DCLK2: variants seen among roughly 807,000 people sequenced by gnomAD.
DCLK2 encodes serine/threonine-protein kinase DCLK2.
A neutral mutation model predicts 78.4 loss-of-function variants in DCLK2; 31 were observed. The ratio of observed to expected loss-of-function variants is 0.40; its 90% CI spans 0.30 to 0.53. DCLK2 has a LOEUF of 0.53. Among genes scored for constraint, DCLK2 ranks in the 20% least tolerant of loss-of-function variants. The pLI is 0.61. For missense variants in DCLK2, 872 were observed against 973.7 expected (o/e 0.90, Z 1.39); for synonymous variants, 407 against 374.9 (o/e 1.09, Z -0.99).
At chr4:150,103,177 A>T (rs1731006376) in intron 2 of DCLK2, among the ~76,000 whole-genome samples, 1 of 152,160 alleles carries the variant, frequency 6.6e-6, no homozygotes, top group Admixed American at 6.5e-5. Context: ...GTCATTATGG[A>T]CTTGGGTATC....
At chr4:150,137,260 C>T (rs1157711017) in intron 2 of DCLK2, among the ~76,000 whole-genome samples, 1 of 152,142 alleles carries the variant, frequency 6.6e-6, no homozygotes, top group Non-Finnish European at 1.5e-5. Flanking sequence ...CAGCTTCCCT[C>T]CACATGTCTC....
At chr4:150,097,485 C>A (rs778173098) in intron 1 of DCLK2, among the ~76,000 whole-genome samples, 3 of 152,224 alleles carry the variant, frequency 2.0e-5, no homozygotes, top group Non-Finnish European at 4.4e-5. Context: ...CTTTTAATGA[C>A]CTCTTTCTTC....
chr4:150,140,377 G>A (rs1014123764), intron 2 of DCLK2, among the ~76,000 whole-genome samples: 3 of 152,180 alleles, frequency 2.0e-5, no homozygotes, highest in African/African-American at 7.2e-5. Flanking sequence ...CAAGCATGGA[G>A]GCTCCTCCTG....
chr4:150,232,032 A>G (rs757771899), intron 8 of DCLK2, among the ~76,000 whole-genome samples: 6 of 152,224 alleles, frequency 3.9e-5, no homozygotes, highest in Admixed American at 6.5e-5. Flanking sequence ...TAGCATCACA[A>G]CCTCTTAAGG....
intron 10 of DCLK2, 46 bp from the exon 11 acceptor site, chr4:150,239,696 T>C (rs564975397): frequency 1.4e-5 from 22 of 1,606,864 alleles, no homozygotes; most frequent in African/African-American, 2.7e-5. Context: ...CTCACAATTG[T>C]TGAGGAAAAA....
Position 150,107,377 on chromosome 4 carries a change from T to TG in DCLK2, c.756+4566dup, listed in dbSNP as rs35910274. Among the ~76,000 whole-genome samples, 14 of 130,412 alleles carry TG rather than the reference T, an allele frequency of 1.1e-4. 1 individual carries two copies. The highest frequency in any genetic ancestry group is 1.6e-4 in the Non-Finnish European group (9 of 57,934). The allele number at this position is 130,412 out of a possible 152,430, so 85.6% of individuals were successfully genotyped here. A position where few individuals can be genotyped will look rare whatever the true frequency, so the allele number is the denominator to read the frequency against. On this transcript the variant is annotated intron_variant, in intron 2 of 15. Coordinates refer to ENST00000296550, the MANE Select transcript of DCLK2 (RefSeq NM_001040260.4). ...TGGTTTGTAGGGTTTTTTTGGTTAT[T>TG]GTTTTTTTTTTTTTTTTTGGAGACA...
At chr4:150,125,443 C>T (rs1732853392) in intron 2 of DCLK2, among the ~76,000 whole-genome samples, 2 of 152,092 alleles carry the variant, frequency 1.3e-5, no homozygotes, top group Non-Finnish European at 2.9e-5. Flanking sequence ...AGAGTGACAA[C>T]CATCAATGAT....
chr4:150,253,420 A>G, intron 15 of DCLK2: 1 of 1,289,674 alleles, frequency 7.8e-7, no homozygotes, highest in Non-Finnish European at 1.0e-6. Flanking sequence ...AAATTGGTCC[A>G]TAAAGGTGAA....
intron 2 of DCLK2, among the ~76,000 whole-genome samples, chr4:150,156,148 C>T (rs2150235733): frequency 6.6e-6 from 1 of 152,192 alleles, no homozygotes; most frequent in South Asian, 2.1e-4. Context: ...GATTAGGAAC[C>T]TCTGCGAAGG....
At chr4:150,186,833 C>T (rs1030307890) in intron 2 of DCLK2, among the ~76,000 whole-genome samples, 3 of 151,838 alleles carry the variant, frequency 2.0e-5, no homozygotes, top group Non-Finnish European at 4.4e-5. Context: ...GTTGAGGCTG[C>T]AGTGAGCTGT....
intron 1 of DCLK2, among the ~76,000 whole-genome samples, chr4:150,088,916 C>T (rs976483834): frequency 1.9e-4 from 29 of 152,146 alleles, no homozygotes; most frequent in Middle Eastern, 3.2e-3. Flanking sequence ...ATGCGTAGGC[C>T]GGCTGCACCA....
At position 150,256,222 on chromosome 4, in the gene DCLK2, G is replaced by A. The variant is rs1179628371; in HGVS notation, c.2276G>A (p.Gly759Glu). 4 of 1,527,480 alleles carry A rather than the reference G, an allele frequency of 2.6e-6. No homozygotes were observed. Among genetic ancestry groups the A allele is most frequent in the African/African-American group, 2.9e-5 (2 of 69,814 alleles). The allele number at this position is 1,527,480 out of a possible 1,614,324, so 94.6% of individuals were successfully genotyped here. A position where few individuals can be genotyped will look rare whatever the true frequency, so the allele number is the denominator to read the frequency against. Residue 759 changes from glycine to glutamate, a missense_variant, in exon 16 of 16, where the codon GGA (glycine) becomes GAA (glutamate). Around this residue, in one of 3 missense-constraint regions of DCLK2, gnomAD observed 219 missense variants for 230.1 expected, o/e 0.95. Transcript: ENST00000296550. ...GCTGCCCCGGGTGGTGAGCGGGCAG[G>A]AACCTGGCGCCGCCACCGAGACTGA... ...PPAAPGGERA[G>E]TWRRHRD
intron 2 of DCLK2, among the ~76,000 whole-genome samples, chr4:150,104,095 A>G (rs1156990509): frequency 1.3e-5 from 2 of 152,098 alleles, no homozygotes; most frequent in Admixed American, 1.3e-4. Flanking sequence ...TACCTAACCA[A>G]AGAAAAAAAT....
At chr4:150,249,405 TA>T (rs1345479429) in intron 14 of DCLK2, among the ~76,000 whole-genome samples, 162 bp from the exon 15 acceptor site, 2 of 152,084 alleles carry the variant, frequency 1.3e-5, no homozygotes, top group African/African-American at 4.8e-5. Flanking sequence ...TAACAATAGT[TA>T]TTTTTGAAAG....
In DCLK2 at chr4:150,232,866, T is replaced by A. The variant is rs762194403; in HGVS notation, c.1566+38T>A. The A allele has an allele frequency of 1.9e-5, 30 of 1,594,812 alleles. 1 individual carries two copies. The South Asian group carries it at 3.0e-4, about 16-fold the overall frequency. On this transcript the variant is annotated intron_variant, in intron 10 of 15. Transcript: ENST00000296550. ...TGCTTTTTCTGTTCCAATGAATGCC[T>A]CTCTTCCTTTAAAAGGAGCACATGC...
intron 2 of DCLK2, among the ~76,000 whole-genome samples, chr4:150,163,093 A>G (rs979471112): frequency 5.9e-5 from 9 of 151,940 alleles, no homozygotes; most frequent in Non-Finnish European, 1.0e-4. Flanking sequence ...ATGGAGTCCT[A>G]TCTTTTGAAA....
chr4:150,093,578 T>G (rs971657175), intron 1 of DCLK2, among the ~76,000 whole-genome samples: 5 of 152,302 alleles, frequency 3.3e-5, no homozygotes, highest in African/African-American at 1.2e-4. Context: ...GACAGAGTTT[T>G]GCCATGTTGG....
intron 5 of DCLK2, among the ~76,000 whole-genome samples, chr4:150,216,347 A>G (rs192428706): frequency 6.9e-4 from 105 of 152,316 alleles, no homozygotes; most frequent in Admixed American, 1.8e-3. Flanking sequence ...TTTTTTAAAA[A>G]GTTCTCAGCA....
intron 6 of DCLK2, 57 bp downstream of exon 6, chr4:150,220,835 G>T: frequency 7.3e-7 from 1 of 1,364,950 alleles, no homozygotes; most frequent in African/African-American, 1.4e-5. Context: ...GGGACTTGGT[G>T]CTCACCTAAA....
Sources: allele counts gnomAD v4.1 joint callset (sites outside exome capture counted in the v4.1 genomes callset), GRCh38; gene constraint gnomAD v4.1.1; regional missense constraint gnomAD v4.1.1; transcripts MANE v1.5; gene names NCBI Gene and HGNC (gene_info 2026-07-23, HGNC 2026-07-21).